KCNAB1: variants seen among roughly 807,000 people sequenced by gnomAD.
The protein encoded by KCNAB1 is voltage-gated potassium channel subunit beta-1.
A neutral mutation model predicts 64.6 loss-of-function variants in KCNAB1; 35 were observed. That is an observed-to-expected ratio of 0.54 (90% CI 0.41 to 0.72). KCNAB1 has a LOEUF of 0.72. KCNAB1 is among the 30% of genes least tolerant of loss of function. The pLI is 0.00. For synonymous variants in KCNAB1, 177 were observed against 183.8 expected, an observed-to-expected ratio of 0.96 and a Z score of 0.30; for missense variants, 401 against 512.9, an observed-to-expected ratio of 0.78 and a Z score of 2.11.
intron 1 of KCNAB1, among the ~76,000 whole-genome samples, chr3:156,366,948 A>C (rs1287128955): frequency 6.6e-6 from 1 of 152,220 alleles, no homozygotes; most frequent in Non-Finnish European, 1.5e-5. Context: ...AGTTAACAGA[A>C]GGAAAAGACC....
intron 1 of KCNAB1, among the ~76,000 whole-genome samples, chr3:156,234,662 T>G (rs1227663193): frequency 1.3e-5 from 2 of 152,086 alleles, no homozygotes; most frequent in Non-Finnish European, 2.9e-5. Flanking sequence ...AGAGTATGAT[T>G]TCTGGGTACC....
At chr3:156,236,949 A>G (rs532545653) in intron 1 of KCNAB1, among the ~76,000 whole-genome samples, 3 of 152,298 alleles carry the variant, frequency 2.0e-5, no homozygotes, top group African/African-American at 7.2e-5. Context: ...GGATCTAGTA[A>G]AAGGCTGAGT....
intron 1 of KCNAB1, among the ~76,000 whole-genome samples, chr3:156,145,778 G>T (rs1560106841): frequency 1.3e-5 from 2 of 152,176 alleles, no homozygotes; most frequent in African/African-American, 4.8e-5. Flanking sequence ...AATACAGTAG[G>T]TGCTCACTGG....
At position 156,508,925 on chromosome 3, in the gene KCNAB1, C is replaced by G. The variant is rs918340876; in HGVS notation, c.659-5439C>G. On this transcript the variant is annotated intron_variant, in intron 8 of 13. Transcript: ENST00000490337. The surrounding 1 kb of genome is among the most constrained non-coding windows in gnomAD (Gnocchi z 4.1). Reference sequence around the variant, plus strand: ...AGAGGGAGGACTTAACAAAGTCTTTCAATAGTTTAGTCAGTTTTTCTAAAA... The same window carrying G: ...AGAGGGAGGACTTAACAAAGTCTTTGAATAGTTTAGTCAGTTTTTCTAAAA... Among the ~76,000 whole-genome samples the G allele has an allele frequency of 2.4e-4, 37 of 152,226 alleles. No individual in the cohort carries two copies. The highest frequency in any genetic ancestry group is 8.2e-4 in the African/African-American group (34 of 41,542).
At chr3:156,261,459 A>T (rs535059098) in intron 1 of KCNAB1, among the ~76,000 whole-genome samples, 1 of 152,066 alleles carries the variant, frequency 6.6e-6, no homozygotes, top group Admixed American at 6.5e-5. Flanking sequence ...TCACATATGG[A>T]TATCCAATTG....
intron 1 of KCNAB1, among the ~76,000 whole-genome samples, chr3:156,222,115 G>A (rs184790740): frequency 7.9e-5 from 12 of 152,118 alleles, no homozygotes; most frequent in Non-Finnish European, 1.6e-4. Flanking sequence ...AAAATGCTCC[G>A]CTTAAAAGAT....
intron 1 of KCNAB1, among the ~76,000 whole-genome samples, chr3:156,124,908 G>A (rs977617541): frequency 2.0e-5 from 3 of 152,068 alleles, no homozygotes; most frequent in Non-Finnish European, 4.4e-5. Context: ...GGGAGGCCGA[G>A]GCAGGTAGAT....
intron 8 of KCNAB1, among the ~76,000 whole-genome samples, chr3:156,497,217 G>T (rs899114376): frequency 7.9e-5 from 12 of 152,166 alleles, no homozygotes; most frequent in Admixed American, 5.2e-4. Flanking sequence ...AGTGAGCTGA[G>T]CTGCATGAGT....
chr3:156,200,962 C>T (rs975648213), intron 1 of KCNAB1, among the ~76,000 whole-genome samples: 42 of 152,292 alleles, frequency 2.8e-4, no homozygotes, highest in African/African-American at 7.2e-4. Flanking sequence ...GTTAGGCACA[C>T]GAGGGAATGT....
intron 1 of KCNAB1, among the ~76,000 whole-genome samples, chr3:156,404,609 A>G (rs892446135): frequency 6.6e-6 from 1 of 152,244 alleles, no homozygotes; most frequent in African/African-American, 2.4e-5. Flanking sequence ...TAAGGCAAGC[A>G]TTAAATGTAT....
At chr3:156,157,904 C>T (rs1486282938) in intron 1 of KCNAB1, among the ~76,000 whole-genome samples, 1 of 152,038 alleles carries the variant, frequency 6.6e-6, no homozygotes, top group Admixed American at 6.6e-5. Flanking sequence ...AAAGGGCCGC[C>T]TGTAATCCCA....
chr3:156,131,146 T>C (rs1713972464), intron 1 of KCNAB1, among the ~76,000 whole-genome samples: 1 of 152,252 alleles, frequency 6.6e-6, no homozygotes, highest in South Asian at 2.1e-4. Flanking sequence ...TGGCATGTGC[T>C]AATGTCCTGC....
intron 1 of KCNAB1, among the ~76,000 whole-genome samples, chr3:156,413,796 A>C (rs1474489609): frequency 6.6e-6 from 1 of 152,228 alleles, no homozygotes; most frequent in Non-Finnish European, 1.5e-5. Flanking sequence ...GCACTGTGCT[A>C]GGTGGTGGGA....
chr3:156,321,541 G>A (rs947765621), intron 1 of KCNAB1, among the ~76,000 whole-genome samples: 4 of 152,168 alleles, frequency 2.6e-5, no homozygotes, highest in Non-Finnish European at 2.9e-5. Context: ...TAGGCTTCCT[G>A]CTTTATATCC....
chr3:156,141,467 GC>G (rs1330758039), intron 1 of KCNAB1, among the ~76,000 whole-genome samples: 1 of 151,004 alleles, frequency 6.6e-6, no homozygotes, highest in Non-Finnish European at 1.5e-5. Context: ...CTACAATTTT[GC>G]CATTTTGAGA....
chr3:156,118,870 T>C (rs1242999925), upstream of KCNAB1, among the ~76,000 whole-genome samples: 1 of 152,236 alleles, frequency 6.6e-6, no homozygotes, highest in Non-Finnish European at 1.5e-5. Flanking sequence ...ATGCATATAA[T>C]GTTGCCAGAA....
At chr3:156,354,392 C>G (rs1725092200) in intron 1 of KCNAB1, among the ~76,000 whole-genome samples, 1 of 151,556 alleles carries the variant, frequency 6.6e-6, no homozygotes, top group East Asian at 1.9e-4. Flanking sequence ...AACTCCCGAT[C>G]TCAAGTGATC....
chr3:156,382,727 G>A (rs1560229440), intron 1 of KCNAB1, among the ~76,000 whole-genome samples: 3 of 152,196 alleles, frequency 2.0e-5, no homozygotes, highest in Non-Finnish European at 2.9e-5. Flanking sequence ...CCTGACTGGA[G>A]CATGGAATTG....
chr3:156,191,938 G>A (rs1033720909), intron 1 of KCNAB1, among the ~76,000 whole-genome samples: 2 of 152,102 alleles, frequency 1.3e-5, no homozygotes, highest in Admixed American at 1.3e-4. Flanking sequence ...CTTTACTGTT[G>A]GCTAATACCT....
Sources: allele counts gnomAD v4.1 joint callset (sites outside exome capture counted in the v4.1 genomes callset), GRCh38; gene constraint gnomAD v4.1.1; non-coding constraint Gnocchi (gnomAD v3.1); transcripts MANE v1.5; gene names NCBI Gene and HGNC (gene_info 2026-07-23, HGNC 2026-07-21).